ANXA4: variants seen among roughly 807,000 people sequenced by gnomAD.
ANXA4 encodes the protein 35-beta calcimedin.
ANXA4 carries 39 observed loss-of-function variants against 49.8 expected under a neutral mutation model. The ratio of observed to expected loss-of-function variants is 0.78; its 90% CI spans 0.61 to 1.02. The LOEUF is 1.02. Ranked by LOEUF, ANXA4 falls within the 50% of genes least tolerant of loss-of-function variation. ANXA4 has a pLI of 0.00. For missense variants in ANXA4, 360 were observed against 410.1 expected (o/e 0.88, Z 1.05); for synonymous variants, 134 against 152.5 (o/e 0.88, Z 0.89).
intron 2 of ANXA4, among the ~76,000 whole-genome samples, chr2:69,656,268 T>C (rs1160054304): frequency 1.1e-4 from 14 of 127,782 alleles, no homozygotes; most frequent in South Asian, 6.2e-4. Flanking sequence ...CGTATATATA[T>C]GTATATACGT....
At chr2:69,737,388 C>A (rs1402824672), upstream of ANXA4, among the ~76,000 whole-genome samples, 1 of 152,162 alleles carries the variant, frequency 6.6e-6, no homozygotes, top group Non-Finnish European at 1.5e-5. Flanking sequence ...TAATTCATTT[C>A]TTCCCCTGTT....
chr2:69,666,362 G>A (rs1421269755), intron 2 of ANXA4, among the ~76,000 whole-genome samples: 1 of 152,182 alleles, frequency 6.6e-6, no homozygotes, highest in Admixed American at 6.5e-5. Context: ...AAGATGTGGA[G>A]AAGCTGGAAC....
chr2:69,753,158 C>T (rs774582892), intron 1 of ANXA4, among the ~76,000 whole-genome samples: 20 of 152,166 alleles, frequency 1.3e-4, no homozygotes, highest in African/African-American at 4.3e-4. Context: ...TTCTTGAGAG[C>T]AAGATCATGT....
chr2:69,674,945 T>G (rs1379696561), intron 2 of ANXA4, among the ~76,000 whole-genome samples: 1 of 146,376 alleles, frequency 6.8e-6, no homozygotes, highest in Non-Finnish European at 1.5e-5. Context: ...TTTTTTGAGA[T>G]GGAGTCTCGC....
At position 69,645,087 on chromosome 2, in the gene ANXA4, AT is replaced by A. The variant is rs566798979; in HGVS notation, n.481+191del. Among the ~76,000 whole-genome samples, 725 of 151,690 alleles carry A rather than the reference AT, an allele frequency of 4.8e-3. 6 individuals carry two copies. Among genetic ancestry groups the A allele is most frequent in the African/African-American group, 0.017 (696 of 41,336 alleles). ...CCCACTCCCTAGTGCTTGTCTCAGAATTTTTTTTTCAGCGGGTATTTGAGTA... is the reference window on the plus strand; with the variant it reads ...CCCACTCCCTAGTGCTTGTCTCAGAATTTTTTTTCAGCGGGTATTTGAGTA... On this transcript the variant is annotated intron_variant and non_coding_transcript_variant, in intron 1 of 3. Transcript: ENST00000418066.
intron 3 of ANXA4, among the ~76,000 whole-genome samples, chr2:69,788,883 G>A (rs1344177855): frequency 7.4e-6 from 1 of 135,154 alleles, no homozygotes; most frequent in Non-Finnish European, 1.6e-5. Context: ...AAGAAGGAAG[G>A]AAAGAAGGAG....
chr2:69,664,016 T>C (rs1676840340), intron 2 of ANXA4, among the ~76,000 whole-genome samples: 1 of 152,206 alleles, frequency 6.6e-6, no homozygotes, highest in Non-Finnish European at 1.5e-5. Flanking sequence ...TATGGAAGAC[T>C]GAGGACATAG....
chr2:69,723,463 T>G (rs1669873969), intron 3 of ANXA4, among the ~76,000 whole-genome samples: 1 of 152,108 alleles, frequency 6.6e-6, no homozygotes, highest in African/African-American at 2.4e-5. Flanking sequence ...GTGATGACCA[T>G]GGAGTCTGCC....
At chr2:69,645,255 G>A (rs959673347) in intron 1 of ANXA4, among the ~76,000 whole-genome samples, 2 of 152,208 alleles carry the variant, frequency 1.3e-5, no homozygotes, top group Admixed American at 1.3e-4. Flanking sequence ...ATTAAACTCC[G>A]TGAAGAGATA....
intron 2 of ANXA4, among the ~76,000 whole-genome samples, chr2:69,659,014 T>C (rs1374777626): frequency 6.6e-6 from 1 of 152,194 alleles, no homozygotes; most frequent in Non-Finnish European, 1.5e-5. Flanking sequence ...TTTATTTTTG[T>C]CAAACCTGAG....
At chr2:69,805,151 G>A (rs1406574919) in intron 4 of ANXA4, among the ~76,000 whole-genome samples, 1 of 149,498 alleles carries the variant, frequency 6.7e-6, no homozygotes, top group Admixed American at 6.7e-5. Flanking sequence ...AGGAGGAAAT[G>A]TGAATAAACA....
At chr2:69,692,440 A>T (rs1237536480) in intron 2 of ANXA4, among the ~76,000 whole-genome samples, 1 of 152,126 alleles carries the variant, frequency 6.6e-6, no homozygotes, top group African/African-American at 2.4e-5. Context: ...ATTTCATCCT[A>T]ATGAACGCCT....
intron 1 of ANXA4, among the ~76,000 whole-genome samples, chr2:69,651,790 C>T (rs1173992536): frequency 7.3e-6 from 1 of 136,172 alleles, no homozygotes; most frequent in African/African-American, 2.7e-5. Context: ...GCGTGAGCCA[C>T]CGCGCCCGGC....
intron 3 of ANXA4, among the ~76,000 whole-genome samples, chr2:69,723,029 A>T (rs989422271): frequency 5.5e-5 from 8 of 144,544 alleles, no homozygotes; most frequent in African/African-American, 2.1e-4. Context: ...AAAAATATAT[A>T]TATATATATA....
At chr2:69,675,419 A>G (rs957580104) in intron 2 of ANXA4, among the ~76,000 whole-genome samples, 1 of 152,252 alleles carries the variant, frequency 6.6e-6, no homozygotes, top group Non-Finnish European at 1.5e-5. Context: ...TTACATAAAT[A>G]TAGATTAAAA....
intron 2 of ANXA4, among the ~76,000 whole-genome samples, chr2:69,696,259 A>G (rs796915263): frequency 2.6e-5 from 4 of 152,222 alleles, no homozygotes; most frequent in African/African-American, 9.6e-5. Context: ...CACTGCTCAC[A>G]GCACCTTCAC....
chr2:69,647,110 C>T (rs1218142083), intron 1 of ANXA4, among the ~76,000 whole-genome samples: 1 of 152,190 alleles, frequency 6.6e-6, no homozygotes, highest in Non-Finnish European at 1.5e-5. Context: ...AATCAAAGCT[C>T]CTGTAACTTA....
chr2:69,684,336 G>A (rs766283788), intron 2 of ANXA4, among the ~76,000 whole-genome samples: 7 of 152,260 alleles, frequency 4.6e-5, no homozygotes, highest in East Asian at 1.9e-4. Context: ...ACACAGTTGC[G>A]TCAGAAAGGC....
intron 1 of ANXA4, among the ~76,000 whole-genome samples, chr2:69,763,736 C>G (rs7420167): frequency 0.12 from 18,551 of 149,702 alleles, 2,285 homozygotes; most frequent in East Asian, 0.28. Flanking sequence ...GATCTCGTCT[C>G]ACTGCAACCT....
Sources: gnomAD v4.1 joint callset for allele counts (sites outside exome capture counted in the v4.1 genomes callset) on GRCh38, gnomAD v4.1.1 for gene constraint, MANE v1.5 for transcripts, NCBI Gene and HGNC (gene_info 2026-07-23, HGNC 2026-07-21) for gene names.